RBM20: variants seen among roughly 807,000 people sequenced by gnomAD.
The protein encoded by RBM20 is RNA-binding protein 20.
A neutral mutation model predicts 110.1 loss-of-function variants in RBM20; 51 were observed. The observed-to-expected ratio is 0.46, with a 90% CI of 0.37 to 0.59. The LOEUF (loss-of-function observed/expected upper bound fraction) is 0.59. Among genes scored for constraint, RBM20 ranks in the 20% least tolerant of loss-of-function variants. RBM20 has a pLI of 0.00. For missense variants in RBM20, 1,512 were observed against 1,574.9 expected (o/e 0.96, Z 0.68); for synonymous variants, 589 against 618.2 (o/e 0.95, Z 0.70).
chr10:110,783,519 G>A (rs1376260918), intron 3 of RBM20, 92 bp downstream of exon 3: 3 of 1,024,928 alleles, frequency 2.9e-6, no homozygotes, highest in Admixed American at 4.1e-5. Context: ...TTGAGTCCTG[G>A]GGCAATAGCA....
chr10:110,816,706 C>G (rs1437895476), intron 9 of RBM20, among the ~76,000 whole-genome samples: 3 of 152,100 alleles, frequency 2.0e-5, no homozygotes, highest in Non-Finnish European at 2.9e-5. Context: ...GTTCCCAGTC[C>G]CTAGAGGAGG....
At chr10:110,692,902 G>C (rs1862608306) in intron 1 of RBM20, among the ~76,000 whole-genome samples, 1 of 152,004 alleles carries the variant, frequency 6.6e-6, no homozygotes, top group African/African-American at 2.4e-5. Flanking sequence ...TAGGTTTGTT[G>C]TATCTAACCT....
At chr10:110,783,614 A>G (rs1210424479) in intron 3 of RBM20, among the ~76,000 whole-genome samples, 187 bp downstream of exon 3, 1 of 152,214 alleles carries the variant, frequency 6.6e-6, no homozygotes, top group African/African-American at 2.4e-5. Context: ...TGAACAAGAA[A>G]ATTACAGCAT....
At chr10:110,800,917 G>A (rs1345826869) in intron 7 of RBM20, among the ~76,000 whole-genome samples, 2 of 152,010 alleles carry the variant, frequency 1.3e-5, no homozygotes, top group Non-Finnish European at 2.9e-5. Flanking sequence ...CCATTCTACT[G>A]TTGATGGACA....
intron 1 of RBM20, among the ~76,000 whole-genome samples, chr10:110,665,768 A>G (rs1862166527): frequency 1.3e-5 from 2 of 152,192 alleles, no homozygotes; most frequent in Non-Finnish European, 2.9e-5. Context: ...CATTAAAAAG[A>G]ATATTATTTA....
chr10:110,727,216 G>A lies in RBM20; in HGVS notation c.192-53585G>A, dbSNP rs181358882. On this transcript the variant is annotated intron_variant, in intron 1 of 13. Coordinates refer to ENST00000369519, the MANE Select transcript of RBM20 (RefSeq NM_001134363.3). ...CTTTTATCTTTAGTTGACACATAATGTATGTGTTTCTGGGATACAGCATGG... is the reference window on the plus strand; with the variant it reads ...CTTTTATCTTTAGTTGACACATAATATATGTGTTTCTGGGATACAGCATGG... Among the ~76,000 whole-genome samples, 8 of 117,766 alleles carry A rather than the reference G, an allele frequency of 6.8e-5. No homozygotes were observed. The East Asian group carries it at 1.7e-3, about 25-fold the overall frequency. The allele number at this position is 117,766 out of a possible 152,430, so 77.3% of individuals were successfully genotyped here. A position where few individuals can be genotyped will look rare whatever the true frequency, so the allele number is the denominator to read the frequency against.
At chr10:110,701,631 C>T (rs1409943036) in intron 1 of RBM20, among the ~76,000 whole-genome samples, 3 of 152,248 alleles carry the variant, frequency 2.0e-5, no homozygotes, top group South Asian at 2.1e-4. Flanking sequence ...ATGCACACAC[C>T]CCAGCTCCAC....
intron 1 of RBM20, among the ~76,000 whole-genome samples, chr10:110,707,350 G>A (rs4918570): frequency 0.3 from 46,302 of 151,900 alleles, 7,169 homozygotes; most frequent in East Asian, 0.32. Flanking sequence ...TTACAATATT[G>A]GCTGCATAGC....
rs530955551 is a variant in RBM20 at position 110,663,335 on chromosome 10, A to G, written c.191+18690A>G. 7.2e-5 allele frequency among the ~76,000 whole-genome samples: 11 copies of G among 152,326 alleles called. No individual in the cohort carries two copies. The South Asian group carries it at 2.1e-3, about 29-fold the overall frequency. ...CCTGATACGTAGAACACAGTATTCT[A>G]TGTATCAATGACAGGGAAGGGGGAC... On this transcript the variant is annotated intron_variant, in intron 1 of 13. Transcript: ENST00000369519.
At chr10:110,792,241 G>C (rs745823680) in intron 5 of RBM20, among the ~76,000 whole-genome samples, 7 of 151,818 alleles carry the variant, frequency 4.6e-5, no homozygotes, top group Non-Finnish European at 8.8e-5. Flanking sequence ...ATTATTTTTA[G>C]AGTAGGTTGG....
intron 1 of RBM20, among the ~76,000 whole-genome samples, chr10:110,709,793 A>G (rs1862897523): frequency 6.6e-6 from 1 of 150,802 alleles, no homozygotes; most frequent in Non-Finnish European, 1.5e-5. Context: ...CGGGTCTCAA[A>G]CTCCTGGACT....
chr10:110,809,768 G>C (rs2135098714), intron 7 of RBM20, among the ~76,000 whole-genome samples: 1 of 152,302 alleles, frequency 6.6e-6, no homozygotes, highest in Non-Finnish European at 1.5e-5. Flanking sequence ...AGCATGGAAA[G>C]GAACTTGGAG....
chr10:110,709,277 T>TG (rs1862886833), intron 1 of RBM20, among the ~76,000 whole-genome samples: 1 of 152,142 alleles, frequency 6.6e-6, no homozygotes, highest in African/African-American at 2.4e-5. Context: ...ATTTAAATGC[T>TG]GGGATCGGGA....
At chr10:110,810,891 T>C (rs1234819830) in intron 8 of RBM20, among the ~76,000 whole-genome samples, 3 of 151,966 alleles carry the variant, frequency 2.0e-5, no homozygotes, top group African/African-American at 7.3e-5. Context: ...AACCAGCTCT[T>C]GGTTTTCATA....
At chr10:110,697,256 C>CA (rs144940921) in intron 1 of RBM20, among the ~76,000 whole-genome samples, 27,281 of 152,194 alleles carry the variant, frequency 0.18, 2,648 homozygotes, top group East Asian at 0.31. Context: ...AACCGTCCCC[C>CA]TGAAGATGGG....
intron 1 of RBM20, among the ~76,000 whole-genome samples, chr10:110,738,794 G>T (rs1843698368): frequency 6.6e-6 from 1 of 152,192 alleles, no homozygotes; most frequent in East Asian, 1.9e-4. Flanking sequence ...GAGCATGGAG[G>T]CGGGAATGGG....
At chr10:110,811,919 G>A (rs574127539) in intron 8 of RBM20, among the ~76,000 whole-genome samples, 19 of 151,996 alleles carry the variant, frequency 1.3e-4, no homozygotes, top group African/African-American at 4.6e-4. Flanking sequence ...CGCCCACCCC[G>A]CACACCCCCA....
intron 1 of RBM20, among the ~76,000 whole-genome samples, chr10:110,649,118 C>T (rs914112617): frequency 6.6e-6 from 1 of 152,112 alleles, no homozygotes; most frequent in Non-Finnish European, 1.5e-5. Flanking sequence ...GAACTCTGAT[C>T]TGTTAAGATC....
At chr10:110,761,375 T>TA (rs1460228774) in intron 1 of RBM20, 2 of 122,536 alleles carry the variant, frequency 1.6e-5, no homozygotes, top group South Asian at 2.3e-4. Flanking sequence ...TACATGGCTG[T>TA]AACTGTAATG....
Sources: allele counts gnomAD v4.1 joint callset (sites outside exome capture counted in the v4.1 genomes callset), GRCh38; gene constraint gnomAD v4.1.1; transcripts MANE v1.5; gene names NCBI Gene and HGNC (gene_info 2026-07-23, HGNC 2026-07-21).